Variants in TNFSF11 observed in about 807,000 individuals in gnomAD.
The protein encoded by TNFSF11 is TNF superfamily member 11.
TNFSF11 carries 12 observed loss-of-function variants against 32.2 expected under a neutral mutation model. The observed-to-expected ratio is 0.37, with a 90% CI of 0.24 to 0.60. TNFSF11 has a LOEUF of 0.60. TNFSF11 is among the 20% of genes least tolerant of loss of function. The pLI, the probability that TNFSF11 is intolerant of heterozygous loss-of-function variation, is 0.66. For missense variants in TNFSF11, 345 were observed against 398.0 expected (o/e 0.87, Z 1.13); for synonymous variants, 172 against 152.1 (o/e 1.13, Z -0.96).
chr13:42,592,155 T>C (rs1162284155), intron 2 of TNFSF11, among the ~76,000 whole-genome samples: 1 of 152,182 alleles, frequency 6.6e-6, no homozygotes, highest in African/African-American at 2.4e-5. Flanking sequence ...CAGGCACTAA[T>C]TGGATGTTCT....
upstream of TNFSF11, chr13:42,574,026 G>C (rs1187391908): frequency 7.7e-6 from 4 of 520,184 alleles, no homozygotes; most frequent in East Asian, 1.4e-4. Flanking sequence ...GAGAGAGAGG[G>C]AGGGCGAAAG....
At chr13:42,601,618 A>C (rs1052706008) in intron 4 of TNFSF11, among the ~76,000 whole-genome samples, 4 of 152,332 alleles carry the variant, frequency 2.6e-5, no homozygotes, top group African/African-American at 9.6e-5. Context: ...ACCATGGGCT[A>C]GATAGCTATC....
At chr13:42,587,314 C>T (rs963322357) in intron 2 of TNFSF11, among the ~76,000 whole-genome samples, 1 of 152,170 alleles carries the variant, frequency 6.6e-6, no homozygotes, top group Non-Finnish European at 1.5e-5. Context: ...TAGTCTCTAG[C>T]TGAGCAGCCA....
At chr13:42,587,061 C>T (rs942062029) in intron 2 of TNFSF11, among the ~76,000 whole-genome samples, 1 of 152,156 alleles carries the variant, frequency 6.6e-6, no homozygotes, top group Non-Finnish European at 1.5e-5. Flanking sequence ...AACTTTTTCC[C>T]TCTCACATAA....
chr13:42,604,535 G>A (rs922996), intron 4 of TNFSF11, among the ~76,000 whole-genome samples: 73,031 of 151,916 alleles, frequency 0.48, 17,853 homozygotes, highest in Middle Eastern at 0.63. Flanking sequence ...CTCATGATGG[G>A]TTGCCCCACC....
Position 42,606,801 on chromosome 13 carries a change from A to T in TNFSF11, c.837A>T (p.Gly279=). The T allele has an allele frequency of 6.2e-7, 1 of 1,613,508 alleles. No homozygotes were observed. The highest frequency in any genetic ancestry group is 8.5e-7 in the Non-Finnish European group (1 of 1,179,632). The change falls in exon 5 of 5, where the codon GGA becomes GGT. Residue 279 remains glycine (G), a synonymous_variant. Coordinates refer to ENST00000398795, the MANE Select transcript of TNFSF11 (RefSeq NM_003701.4). The stretch of plus-strand genomic sequence containing the variant: ...ATTTTTATTCCATAAACGTTGGTGG[A>T]TTTTTTAAGTTACGGTCTGGAGAGG... ...EFHFYSINVG[G]FFKLRSGEEI...
At chr13:42,578,747 A>T (rs950165178) in intron 1 of TNFSF11, among the ~76,000 whole-genome samples, 1 of 152,070 alleles carries the variant, frequency 6.6e-6, no homozygotes, top group Non-Finnish European at 1.5e-5. Context: ...TAGGAATGAG[A>T]TGGGATCTGG....
At chr13:42,602,774 G>C (rs368776096) in intron 4 of TNFSF11, among the ~76,000 whole-genome samples, 4 of 152,204 alleles carry the variant, frequency 2.6e-5, no homozygotes, top group Non-Finnish European at 5.9e-5. Context: ...TGCATCAGCT[G>C]TGTGTGCTAT....
At position 42,581,253 on chromosome 13, in the gene TNFSF11, G is replaced by A; in HGVS notation, c.347G>A (p.Cys116Tyr). The A allele has an allele frequency of 6.2e-7, 1 of 1,614,122 alleles. No homozygotes were observed. The highest frequency in any genetic ancestry group is 1.7e-5 in the Admixed American group (1 of 60,028). ...SQDTKLIPDSCRRIKQAFQGA... is the reference protein window; with the variant it reads ...SQDTKLIPDSYRRIKQAFQGA... ...GATACAAAATTAATACCTGATTCAT[G>A]TAGGAGAATTAAACAGGCCTTTCAA... The change falls in exon 2 of 5, where the codon TGT becomes TAT. Residue 116 changes from cysteine to tyrosine, a missense_variant. Around this residue, in one of 2 missense-constraint regions of TNFSF11, gnomAD observed 197 missense variants for 182.0 expected, o/e 1.08. Coordinates refer to ENST00000398795, the MANE Select transcript of TNFSF11 (RefSeq NM_003701.4).
intron 2 of TNFSF11, among the ~76,000 whole-genome samples, chr13:42,568,110 C>G (rs1003482107): frequency 6.6e-6 from 1 of 152,222 alleles, no homozygotes. Flanking sequence ...CCTTCTTCAC[C>G]TAATTGTGTA....
chr13:42,583,444 G>A (rs60912716), intron 2 of TNFSF11, among the ~76,000 whole-genome samples: 23,436 of 91,298 alleles, frequency 0.26, 3,863 homozygotes, highest in Non-Finnish European at 0.33. Flanking sequence ...AAAAAGAAAG[G>A]AAGAAAGGAA....
upstream of TNFSF11, among the ~76,000 whole-genome samples, chr13:42,569,886 A>C (rs982753144): frequency 1.3e-5 from 2 of 152,186 alleles, no homozygotes; most frequent in Non-Finnish European, 2.9e-5. Context: ...GAGATGTGAA[A>C]AAATGTAAAA....
chr13:42,604,140 A>T (rs1187472313), intron 4 of TNFSF11, among the ~76,000 whole-genome samples: 1 of 152,206 alleles, frequency 6.6e-6, no homozygotes, highest in Non-Finnish European at 1.5e-5. Flanking sequence ...CTGTTAAGAG[A>T]TAACTATAAG....
At chr13:42,593,599 A>G (rs1274594136) in intron 2 of TNFSF11, among the ~76,000 whole-genome samples, 3 of 152,230 alleles carry the variant, frequency 2.0e-5, no homozygotes, top group Non-Finnish European at 4.4e-5. Context: ...GAAACTGGCT[A>G]TTCATTTTCA....
chr13:42,593,033 G>A (rs922514569), intron 2 of TNFSF11, among the ~76,000 whole-genome samples: 6 of 152,120 alleles, frequency 3.9e-5, no homozygotes, highest in Non-Finnish European at 7.3e-5. Flanking sequence ...TGTGAAAACA[G>A]ACTAATACAG....
chr13:42,596,007 T>G (rs988147381), intron 2 of TNFSF11, among the ~76,000 whole-genome samples: 3 of 152,278 alleles, frequency 2.0e-5, no homozygotes, highest in Admixed American at 2.0e-4. Flanking sequence ...ATAAATGGAA[T>G]TGTCAATTGG....
At chr13:42,587,242 G>C (rs1457649105) in intron 2 of TNFSF11, among the ~76,000 whole-genome samples, 2 of 152,196 alleles carry the variant, frequency 1.3e-5, no homozygotes, top group African/African-American at 4.8e-5. Context: ...ACTTCCAGTA[G>C]CATCATATCG....
chr13:42,601,116 C>A, intron 4 of TNFSF11, 135 bp downstream of exon 4: 1 of 909,644 alleles, frequency 1.1e-6, no homozygotes, highest in Non-Finnish European at 1.7e-6. Context: ...AAAGACCATT[C>A]ATCCTCAGGT....
intron 2 of TNFSF11, among the ~76,000 whole-genome samples, chr13:42,589,250 C>T (rs778383117): frequency 6.6e-6 from 1 of 152,136 alleles, no homozygotes; most frequent in Non-Finnish European, 1.5e-5. Context: ...TCCTTTTATT[C>T]ACCCACTCTT....
Sources: allele counts gnomAD v4.1 joint callset (sites outside exome capture counted in the v4.1 genomes callset), GRCh38; gene constraint gnomAD v4.1.1; regional missense constraint gnomAD v4.1.1; transcripts MANE v1.5; gene names NCBI Gene and HGNC (gene_info 2026-07-23, HGNC 2026-07-21).